The following IKBKB-DT variants were observed in gnomAD, a reference collection of about 807,000 sequenced individuals.
IKBKB-DT encodes IKBKB antisense RNA.
At chr8:42,244,753 G>A (rs1387397723) in intron 3 of IKBKB-DT, among the ~76,000 whole-genome samples, 1 of 152,134 alleles carries the variant, frequency 6.6e-6, no homozygotes, top group East Asian at 1.9e-4. Flanking sequence ...TCAGGGTTTG[G>A]AAAGACCCAA....
At chr8:42,241,136 T>G (rs1266105548) in intron 3 of IKBKB-DT, among the ~76,000 whole-genome samples, 1 of 151,938 alleles carries the variant, frequency 6.6e-6, no homozygotes, top group Admixed American at 6.6e-5. Flanking sequence ...TCAGTTGCTT[T>G]TAATCTTTGT....
At chr8:42,256,407 CAA>C (rs111851763) in intron 3 of IKBKB-DT, among the ~76,000 whole-genome samples, 28 of 110,856 alleles carry the variant, frequency 2.5e-4, no homozygotes, top group African/African-American at 4.6e-4. Context: ...ACCAAAAATA[CAA>C]AAAAAAAAAA....
In IKBKB-DT at chr8:42,261,059, C is replaced by T. The variant is rs1807281402; in HGVS notation, n.1529+2270G>A. On this transcript the variant is annotated intron_variant and non_coding_transcript_variant, in intron 3 of 3. Transcript: ENST00000518213. Reference sequence around the variant, plus strand: ...CATTTCATCTGGCTAGCTGTTATGGCCTACATCTGTAATCCCAGCACTTTG... The same window carrying T: ...CATTTCATCTGGCTAGCTGTTATGGTCTACATCTGTAATCCCAGCACTTTG... Among the ~76,000 whole-genome samples, 3 of 152,128 alleles carry T rather than the reference C, an allele frequency of 2.0e-5. No individual in the cohort carries two copies. The South Asian group carries it at 6.2e-4, about 31-fold the overall frequency.
At chr8:42,240,624 C>CAAAAAAAAA (rs1208809199) in intron 3 of IKBKB-DT, among the ~76,000 whole-genome samples, 2 of 26,402 alleles carry the variant, frequency 7.6e-5, no homozygotes, top group African/African-American at 1.8e-4. Flanking sequence ...GACTCAGTCT[C>CAAAAAAAAA]AAAAAAAAAA....
At chr8:42,251,475 G>A (rs1446160716) in intron 3 of IKBKB-DT, among the ~76,000 whole-genome samples, 1 of 152,222 alleles carries the variant, frequency 6.6e-6, no homozygotes, top group African/African-American at 2.4e-5. Context: ...GGCATAGGCT[G>A]TGAGCTGGAA....
intron 1 of IKBKB-DT, among the ~76,000 whole-genome samples, chr8:42,267,358 G>A (rs994918466): frequency 1.3e-5 from 2 of 151,956 alleles, no homozygotes; most frequent in African/African-American, 4.8e-5. Context: ...TTTCTTGCGC[G>A]AGATCCAAGA....
At chr8:42,263,902 C>T (rs1356330417) in intron 2 of IKBKB-DT, among the ~76,000 whole-genome samples, 2 of 152,182 alleles carry the variant, frequency 1.3e-5, no homozygotes, top group Non-Finnish European at 1.5e-5. Context: ...ACCTCTGCCT[C>T]CTGGGTTCAA....
chr8:42,257,773 A>G (rs531362994), intron 3 of IKBKB-DT, among the ~76,000 whole-genome samples: 4 of 152,264 alleles, frequency 2.6e-5, no homozygotes, highest in African/African-American at 7.2e-5. Context: ...TTATCTCTAA[A>G]AAAAAATTTT....
chr8:42,244,884 G>C (rs564317913), intron 3 of IKBKB-DT, among the ~76,000 whole-genome samples: 1 of 152,288 alleles, frequency 6.6e-6, no homozygotes, highest in South Asian at 2.1e-4. Context: ...TGTGGCATTT[G>C]AGAGACTAGT....
chr8:42,252,809 C>A (rs1001879921), intron 3 of IKBKB-DT, among the ~76,000 whole-genome samples: 1 of 152,224 alleles, frequency 6.6e-6, no homozygotes, highest in Non-Finnish European at 1.5e-5. Context: ...AGGGGTCATT[C>A]CTCTACAAAC....
chr8:42,243,569 T>C (rs958663470), intron 3 of IKBKB-DT, among the ~76,000 whole-genome samples: 2 of 152,198 alleles, frequency 1.3e-5, no homozygotes, highest in Non-Finnish European at 2.9e-5. Context: ...ATTGACATCA[T>C]GGACAGTAGA....
chr8:42,261,049 G>C (rs537197563), intron 3 of IKBKB-DT, among the ~76,000 whole-genome samples: 1 of 152,250 alleles, frequency 6.6e-6, no homozygotes, highest in African/African-American at 2.4e-5. Flanking sequence ...CATCTGGCTA[G>C]CTGTTATGGC....
At chr8:42,242,754 G>A (rs912789219) in intron 3 of IKBKB-DT, among the ~76,000 whole-genome samples, 1 of 152,212 alleles carries the variant, frequency 6.6e-6, no homozygotes, top group Admixed American at 6.5e-5. Flanking sequence ...AGTCACTGCT[G>A]GTGCTCTGAG....
chr8:42,251,916 AT>A lies in IKBKB-DT; in HGVS notation n.1529+11412del, dbSNP rs199547425. 0.011 allele frequency among the ~76,000 whole-genome samples: 1,681 copies of A among 152,278 alleles called. 73 individuals carry two copies. The South Asian group carries it at 0.14, about 12-fold the overall frequency. The stretch of plus-strand genomic sequence containing the variant: ...ATCCATACAGGTCTGCAGCAACCTC[AT>A]TTCTTGCCTCTTCAGAGGAAAGAAT... On this transcript the variant is annotated intron_variant and non_coding_transcript_variant, in intron 3 of 3. Transcript: ENST00000518213.
chr8:42,268,852 C>T (rs1807418658), intron 1 of IKBKB-DT, among the ~76,000 whole-genome samples: 1 of 152,110 alleles, frequency 6.6e-6, no homozygotes, highest in Non-Finnish European at 1.5e-5. Context: ...CAGGCATGAG[C>T]CACCTCACCT....
intron 3 of IKBKB-DT, among the ~76,000 whole-genome samples, chr8:42,248,111 A>G (rs1585462525): frequency 4.6e-5 from 7 of 151,876 alleles, no homozygotes; most frequent in East Asian, 3.9e-4. Flanking sequence ...AAAAAAAAAG[A>G]AAGTGTCTTC....
chr8:42,241,832 G>A (rs55962219), intron 3 of IKBKB-DT, among the ~76,000 whole-genome samples: 37 of 152,338 alleles, frequency 2.4e-4, no homozygotes, highest in African/African-American at 8.9e-4. Flanking sequence ...GGGTAGAACT[G>A]GTTAGTATGG....
intron 3 of IKBKB-DT, among the ~76,000 whole-genome samples, chr8:42,260,408 A>G (rs989738819): frequency 6.6e-6 from 1 of 152,038 alleles, no homozygotes; most frequent in Non-Finnish European, 1.5e-5. Context: ...GCTCATGCCT[A>G]TAATCCCAGC....
chr8:42,248,295 T>A (rs1004560777), intron 3 of IKBKB-DT, among the ~76,000 whole-genome samples: 3 of 152,230 alleles, frequency 2.0e-5, no homozygotes, highest in African/African-American at 7.2e-5. Flanking sequence ...CACCTCCTGG[T>A]GTACAGCCTG....
Sources: gnomAD v4.1 joint callset for allele counts (sites outside exome capture counted in the v4.1 genomes callset) on GRCh38, gnomAD v4.1.1 for gene constraint, MANE v1.5 for transcripts, NCBI Gene and HGNC (gene_info 2026-07-23, HGNC 2026-07-21) for gene names.